Variants in STIM2 observed in about 807,000 individuals in gnomAD.
STIM2 encodes the protein stromal interaction molecule 2.
Under a neutral mutation model 85.8 loss-of-function variants are expected in STIM2, and 31 were observed. That is an observed-to-expected ratio of 0.36 (90% CI 0.27 to 0.49). The LOEUF is 0.49. Among genes scored for constraint, STIM2 ranks in the 20% least tolerant of loss-of-function variants. The pLI is 0.98. For missense variants in STIM2, 841 were observed against 927.6 expected (o/e 0.91, Z 1.21); for synonymous variants, 356 against 331.1 (o/e 1.08, Z -0.82).
chr4:26,967,411 C>T (rs1726763874), intron 3 of STIM2, among the ~76,000 whole-genome samples: 1 of 152,002 alleles, frequency 6.6e-6, no homozygotes, highest in Non-Finnish European at 1.5e-5. Context: ...CAGTAATGGC[C>T]ATCAGAGACA....
intron 11 of STIM2, chr4:27,021,151 C>A: frequency 1.5e-6 from 2 of 1,310,356 alleles, no homozygotes; most frequent in Non-Finnish European, 2.1e-6. Context: ...ATTCATCCAA[C>A]ACATTTTTAT....
At chr4:26,910,500 G>T (rs915853600) in intron 1 of STIM2, among the ~76,000 whole-genome samples, 1 of 151,802 alleles carries the variant, frequency 6.6e-6, no homozygotes, top group Non-Finnish European at 1.5e-5. Flanking sequence ...CTCCAGCCTG[G>T]GTGATGGAGT....
In STIM2 at chr4:26,861,252, G is replaced by A. The variant is rs779833394; in HGVS notation, c.34G>A (p.Ala12Thr). ...GCTCGGGCTGCTGGTAGCCGGAGCG[G>A]CGGACGGATGCGAGCTTGTGCCCCG... is the stretch of plus-strand genomic sequence containing the variant. The change falls in exon 1 of 12, where the codon GCG becomes ACG. Residue 12 changes from alanine to threonine, a missense_variant. Physicochemically the swap from Ala to Thr is moderately conservative, Grantham distance 58 (BLOSUM62 0). Transcript: ENST00000467087. 5.4e-6 allele frequency: 8 copies of A among 1,482,704 alleles called. No individual in the cohort carries two copies. The highest frequency in any genetic ancestry group is 7.1e-6 in the Non-Finnish European group (8 of 1,123,204). The allele number at this position is 1,482,704 out of a possible 1,614,324, so 91.8% of individuals were successfully genotyped here.
chr4:26,979,646 A>T (rs558954090), intron 3 of STIM2, among the ~76,000 whole-genome samples: 4 of 152,342 alleles, frequency 2.6e-5, no homozygotes, highest in African/African-American at 9.6e-5. Context: ...CATTTAAAGC[A>T]AATATAATTA....
At chr4:26,999,182 AT>A in intron 4 of STIM2, 49 bp from the exon 5 acceptor site, 1 of 790,962 alleles carries the variant, frequency 1.3e-6, no homozygotes, top group African/African-American at 1.8e-5. Context: ...TACTAGAAAT[AT>A]TTTCATTTAA....
At position 26,941,540 on chromosome 4, in the gene STIM2, G is replaced by T. The variant is rs546041657; in HGVS notation, c.283-16072G>T. On this transcript the variant is annotated intron_variant, in intron 2 of 11. Transcript: ENST00000467087. ...AATAAGCCAGTATTCCCTGAATATT[G>T]ATAGAGGATTTTCATGTTCAAAGAA... is the stretch of plus-strand genomic sequence containing the variant. 1.6e-4 allele frequency among the ~76,000 whole-genome samples: 25 copies of T among 152,224 alleles called. 1 individual carries two copies. The South Asian group carries it at 5.2e-3, about 32-fold the overall frequency.
chr4:26,969,086 A>T (rs543652683), intron 3 of STIM2, among the ~76,000 whole-genome samples: 2 of 152,222 alleles, frequency 1.3e-5, no homozygotes, highest in African/African-American at 4.8e-5. Context: ...GGCTAATAAG[A>T]AAATAATGTA....
chr4:26,909,503 G>T (rs570474669), intron 1 of STIM2, among the ~76,000 whole-genome samples: 3 of 152,136 alleles, frequency 2.0e-5, no homozygotes, highest in African/African-American at 7.2e-5. Flanking sequence ...TTGCATGATT[G>T]TTGTTAAAAG....
intron 3 of STIM2, among the ~76,000 whole-genome samples, chr4:26,980,471 A>G (rs1727341974): frequency 6.6e-6 from 1 of 152,180 alleles, no homozygotes; most frequent in African/African-American, 2.4e-5. Context: ...CTGGAAAAAA[A>G]AAAAAGGAAA....
chr4:26,940,351 G>A (rs1725565153), intron 2 of STIM2, among the ~76,000 whole-genome samples: 1 of 152,048 alleles, frequency 6.6e-6, no homozygotes, highest in African/African-American at 2.4e-5. Context: ...GATCACTTCT[G>A]CAAATATTCA....
chr4:26,962,782 A>G (rs1726531947), intron 3 of STIM2, among the ~76,000 whole-genome samples: 1 of 152,194 alleles, frequency 6.6e-6, no homozygotes, highest in Non-Finnish European at 1.5e-5. Context: ...AATGCAGGAA[A>G]TTGTACATAG....
At position 26,951,119 on chromosome 4, in the gene STIM2, T is replaced by G. The variant is rs184788105; in HGVS notation, c.283-6493T>G. 1.7e-4 allele frequency among the ~76,000 whole-genome samples: 26 copies of G among 152,278 alleles called. 1 individual carries two copies. The East Asian group carries it at 5.0e-3, about 29-fold the overall frequency. ...TAATTTGTCAAATGTTTATTACTGG[T>G]GGGCAGTTTGGATAGTCATAAAATT... On this transcript the variant is annotated intron_variant, in intron 2 of 11. Transcript: ENST00000467087.
chr4:26,889,091 A>C (rs1314392989), intron 1 of STIM2, among the ~76,000 whole-genome samples: 1 of 152,130 alleles, frequency 6.6e-6, no homozygotes, highest in African/African-American at 2.4e-5. Context: ...AGGCAACAAA[A>C]ATTTCGCTAG....
chr4:26,975,502 G>A (rs775292795), intron 3 of STIM2, among the ~76,000 whole-genome samples: 1 of 152,130 alleles, frequency 6.6e-6, no homozygotes, highest in Non-Finnish European at 1.5e-5. Flanking sequence ...TCAGGTGCAG[G>A]TCTGTTGGAG....
At chr4:26,972,451 G>A (rs1041305060) in intron 3 of STIM2, among the ~76,000 whole-genome samples, 4 of 152,128 alleles carry the variant, frequency 2.6e-5, no homozygotes, top group African/African-American at 9.7e-5. Flanking sequence ...TTGGCATGAA[G>A]GGCTGTTGAG....
At chr4:26,944,331 A>G (rs536137817) in intron 2 of STIM2, among the ~76,000 whole-genome samples, 5 of 152,112 alleles carry the variant, frequency 3.3e-5, no homozygotes, top group Admixed American at 2.0e-4. Flanking sequence ...TTTATTCCCT[A>G]TTTCCTTAGC....
chr4:26,934,343 T>C (rs1725319827), intron 2 of STIM2, among the ~76,000 whole-genome samples: 1 of 152,248 alleles, frequency 6.6e-6, no homozygotes. Flanking sequence ...TGGAGACCAC[T>C]GTGCTAATGA....
intron 1 of STIM2, among the ~76,000 whole-genome samples, chr4:26,911,274 A>G (rs1347293364): frequency 6.6e-6 from 1 of 152,058 alleles, no homozygotes; most frequent in African/African-American, 2.4e-5. Context: ...ATGAAATAAA[A>G]TAAAAAAAAT....
At chr4:27,007,380 T>A (rs995352558) in intron 7 of STIM2, among the ~76,000 whole-genome samples, 153 bp from the exon 8 acceptor site, 1 of 151,150 alleles carries the variant, frequency 6.6e-6, no homozygotes, top group African/African-American at 2.4e-5. Flanking sequence ...ATGCTAGAAA[T>A]CTACTGTATT....
Sources: gnomAD v4.1 joint callset for allele counts (sites outside exome capture counted in the v4.1 genomes callset) on GRCh38, gnomAD v4.1.1 for gene constraint, MANE v1.5 for transcripts, NCBI Gene and HGNC (gene_info 2026-07-23, HGNC 2026-07-21) for gene names.